Variants in SUMO2 observed in about 807,000 individuals in gnomAD.
The protein encoded by SUMO2 is small ubiquitin-related modifier 2.
Under a neutral mutation model 16.0 loss-of-function variants are expected in SUMO2, and 1 was observed. The observed-to-expected ratio is 0.06, with a 90% confidence interval of 0.02 to 0.30. The LOEUF (loss-of-function observed/expected upper bound fraction) is 0.30. Ranked by LOEUF, SUMO2 falls within the 10% of genes least tolerant of loss-of-function variation. The pLI, the probability that SUMO2 is intolerant of heterozygous loss-of-function variation, is 1.00. For missense variants in SUMO2, 16 were observed against 117.5 expected (o/e 0.14, Z 3.99); for synonymous variants, 36 against 40.6 (o/e 0.89, Z 0.43).
chr17:75,174,161 G>A (rs753047956), intron 3 of SUMO2, among the ~76,000 whole-genome samples: 8 of 149,390 alleles, frequency 5.4e-5, no homozygotes, highest in East Asian at 4.0e-4. Context: ...AGGCCAAGGC[G>A]GGCGGATTAC....
intron 2 of SUMO2, among the ~76,000 whole-genome samples, chr17:75,180,745 G>A (rs890741308): frequency 1.3e-5 from 2 of 151,834 alleles, no homozygotes; most frequent in Admixed American, 1.3e-4. Flanking sequence ...AGACTTATAA[G>A]TAATTTTACC....
rs187842463 is a variant in SUMO2, at chr17:75,176,752, T to C, written c.154-1929A>G. On this transcript the variant is annotated intron_variant, in intron 2 of 3. Transcript: ENST00000420826. Reference sequence around the variant, plus strand: ...CCAAATCTGTAATTACTTACTGTCTTACTAAAAAACACACTTCAGGAGATA... The same window carrying C: ...CCAAATCTGTAATTACTTACTGTCTCACTAAAAAACACACTTCAGGAGATA... Among the ~76,000 whole-genome samples, 58 of 152,302 alleles carry C rather than the reference T, an allele frequency of 3.8e-4. No homozygotes were observed. The East Asian group carries it at 8.5e-3, about 22-fold the overall frequency.
intron 2 of SUMO2, 85 bp from the exon 3 acceptor site, chr17:75,174,908 A>G: frequency 8.4e-7 from 1 of 1,193,778 alleles, no homozygotes; most frequent in Non-Finnish European, 1.2e-6. Flanking sequence ...TTAACCATGA[A>G]TATATTAAAG....
intron 3 of SUMO2, among the ~76,000 whole-genome samples, chr17:75,170,791 A>G (rs2074731647): frequency 1.3e-5 from 2 of 148,684 alleles, no homozygotes; most frequent in Non-Finnish European, 3.0e-5. Flanking sequence ...TGGAGGTTAT[A>G]GTGAGCTGAG....
chr17:75,169,055 C>T (rs187072880), intron 3 of SUMO2, among the ~76,000 whole-genome samples: 1 of 63,978 alleles, frequency 1.6e-5, no homozygotes, highest in East Asian at 4.3e-4. Context: ...AACATCTCTA[C>T]AAAAAAAAAA....
At position 75,168,418 on chromosome 17, in the gene SUMO2, A is replaced by G. The variant is rs755848380; in HGVS notation, c.226-17T>C. 1.3e-6 allele frequency: 2 copies of G among 1,596,634 alleles called. No homozygotes were observed. Among genetic ancestry groups the G allele is most frequent in the Admixed American group, 3.5e-5 (2 of 56,690 alleles). On this transcript the variant is annotated splice_polypyrimidine_tract_variant and intron_variant, in intron 3 of 3. Coordinates refer to ENST00000420826, the MANE Select transcript of SUMO2 (RefSeq NM_006937.4). ...CATTTCCAACTAGCATAAAAGAAAA[A>G]ACAAATGTAAAAGCACTGATTAAGT...
rs942152126 is a variant in SUMO2 at position 75,175,749 on chromosome 17, C to T, written c.154-926G>A. Among the ~76,000 whole-genome samples, 6 of 151,732 alleles carry T rather than the reference C, an allele frequency of 4.0e-5. No homozygotes were observed. The East Asian group carries it at 1.2e-3, about 30-fold the overall frequency. On this transcript the variant is annotated intron_variant, in intron 2 of 3. Coordinates refer to ENST00000420826, the MANE Select transcript of SUMO2 (RefSeq NM_006937.4). ...CTGGGTTCGAGTGGTTCTCCTGCCTCAGCCTCCCGAGTAGCTGGGATTACA... is the reference window on the plus strand; with the variant it reads ...CTGGGTTCGAGTGGTTCTCCTGCCTTAGCCTCCCGAGTAGCTGGGATTACA...
intron 3 of SUMO2, among the ~76,000 whole-genome samples, chr17:75,169,384 A>AT (rs1308916013): frequency 2.0e-5 from 3 of 151,280 alleles, no homozygotes; most frequent in African/African-American, 7.3e-5. Context: ...ATTAAAAAAA[A>AT]ATTTTTTTTT....
chr17:75,181,210 T>C (rs551943036), intron 1 of SUMO2, 22 bp from the exon 2 acceptor site: 2 of 1,610,290 alleles, frequency 1.2e-6, no homozygotes, highest in African/African-American at 2.7e-5. Flanking sequence ...AAAATAAAAG[T>C]ATAATTTGGG....
chr17:75,175,313 AT>A (rs994369984), intron 2 of SUMO2, among the ~76,000 whole-genome samples: 1 of 146,482 alleles, frequency 6.8e-6, no homozygotes, highest in African/African-American at 2.5e-5. Context: ...AAGATGTAGT[AT>A]TTTTTTTCCT....
intron 2 of SUMO2, among the ~76,000 whole-genome samples, chr17:75,178,529 A>G (rs1423378270): frequency 1.3e-5 from 2 of 148,768 alleles, no homozygotes; most frequent in Non-Finnish European, 3.0e-5. Flanking sequence ...AAAAAAAAAG[A>G]AAAGAATACT....
chr17:75,169,792 T>C (rs921270363), intron 3 of SUMO2, among the ~76,000 whole-genome samples: 9 of 135,670 alleles, frequency 6.6e-5, no homozygotes, highest in Non-Finnish European at 9.1e-5. Context: ...GAGGTTGTGG[T>C]GAGCCAAGAT....
At chr17:75,170,530 A>T (rs1046444490) in intron 3 of SUMO2, among the ~76,000 whole-genome samples, 1 of 152,118 alleles carries the variant, frequency 6.6e-6, no homozygotes, top group Non-Finnish European at 1.5e-5. Context: ...TGATTGCCCC[A>T]CTGCACTCCA....
chr17:75,181,018 T>C (rs760004765), intron 2 of SUMO2, 39 bp downstream of exon 2: 3 of 1,606,204 alleles, frequency 1.9e-6, no homozygotes, highest in Admixed American at 1.7e-5. Flanking sequence ...TTTTTAAAAA[T>C]AGTTTTATTC....
At chr17:75,171,661 T>C (rs1283821362) in intron 3 of SUMO2, among the ~76,000 whole-genome samples, 1 of 152,136 alleles carries the variant, frequency 6.6e-6, no homozygotes, top group African/African-American at 2.4e-5. Context: ...TAAAATGAAT[T>C]GCAAATTCAA....
intron 3 of SUMO2, among the ~76,000 whole-genome samples, chr17:75,173,445 T>G (rs2074757381): frequency 6.6e-6 from 1 of 151,678 alleles, no homozygotes; most frequent in African/African-American, 2.4e-5. Flanking sequence ...ACTACAGGTG[T>G]GAGCCACCAA....
intron 2 of SUMO2, among the ~76,000 whole-genome samples, chr17:75,177,808 C>T (rs534640727): frequency 1.1e-4 from 16 of 147,474 alleles, no homozygotes; most frequent in East Asian, 8.1e-4. Context: ...GCCTGGCCAA[C>T]GTGGTAAAAC....
At chr17:75,180,392 TAAAAAAAAAAAA>T (rs58684188) in intron 2 of SUMO2, among the ~76,000 whole-genome samples, 545 of 44,872 alleles carry the variant, frequency 0.012, 10 homozygotes, top group South Asian at 0.098. Context: ...ACTCCCAGCT[TAAAAAAAAAAAA>T]AAAAAAAAAA....
At position 75,182,904 on chromosome 17, in the gene SUMO2, C is replaced by G. The variant is rs1598231515; in HGVS notation, c.-70G>C. The G allele has an allele frequency of 4.0e-6, 5 of 1,254,016 alleles. No homozygotes were observed. Among genetic ancestry groups the G allele is most frequent in the Non-Finnish European group, 3.1e-6 (3 of 977,878 alleles). The allele number at this position is 1,254,016 out of a possible 1,614,324, so 77.7% of individuals were successfully genotyped here. ...ACCAGGTCCGCACCAAACGAGCACA[C>G]AAGCAGCACCAGGAGCGGCAGAAGA... On this transcript the variant is annotated 5_prime_UTR_variant, in exon 1 of 4. Coordinates refer to ENST00000420826, the MANE Select transcript of SUMO2 (RefSeq NM_006937.4).
Sources: allele counts gnomAD v4.1 joint callset (sites outside exome capture counted in the v4.1 genomes callset), GRCh38; gene constraint gnomAD v4.1.1; transcripts MANE v1.5; gene names NCBI Gene and HGNC (gene_info 2026-07-23, HGNC 2026-07-21).